BTF3L4: variants seen among roughly 807,000 people sequenced by gnomAD.
BTF3L4 encodes transcription factor BTF3 homolog 4.
Under a neutral mutation model 16.8 loss-of-function variants are expected in BTF3L4, and 6 were observed. That is an observed-to-expected ratio of 0.36 (90% CI 0.20 to 0.71). The LOEUF is 0.71. BTF3L4 is among the 30% of genes least tolerant of loss of function. The probability of loss-of-function intolerance (pLI) is 0.58; values close to 1 mark genes in which losing one functional copy is unlikely to be tolerated. For missense variants in BTF3L4, 92 were observed against 186.9 expected, an observed-to-expected ratio of 0.49 and a Z score of 2.96; for synonymous variants, 39 against 59.8, an observed-to-expected ratio of 0.65 and a Z score of 1.60.
In BTF3L4 at chr1:52,086,693, C is replaced by T. The variant is rs749846171; in HGVS notation, c.431-19C>T. 2.0e-6 allele frequency: 3 copies of T among 1,504,552 alleles called. No individual in the cohort carries two copies. The highest frequency in any genetic ancestry group is 1.8e-6 in the Non-Finnish European group (2 of 1,094,240). 93.2% of individuals were successfully genotyped at this position (1,504,552 alleles called of 1,614,324 possible). A position where few individuals can be genotyped will look rare whatever the true frequency, so the allele number is the denominator to read the frequency against. ...TTTTTTGTATTCTTTGATTCATATACTTTGTTTTTCTTTTTCAGATCTTGT... is the reference window on the plus strand; with the variant it reads ...TTTTTTGTATTCTTTGATTCATATATTTTGTTTTTCTTTTTCAGATCTTGT... On this transcript the variant is annotated intron_variant, in intron 5 of 5. Coordinates refer to ENST00000313334, the MANE Select transcript of BTF3L4 (RefSeq NM_152265.5).
intron 1 of BTF3L4, among the ~76,000 whole-genome samples, chr1:52,059,442 TAAC>T (rs1201812389): frequency 6.6e-6 from 1 of 152,224 alleles, no homozygotes; most frequent in Non-Finnish European, 1.5e-5. Context: ...ATTTTGCTAA[TAAC>T]ATTTGGTAAC....
intron 3 of BTF3L4, among the ~76,000 whole-genome samples, chr1:52,066,200 T>C (rs2124421201): frequency 6.6e-6 from 1 of 151,840 alleles, no homozygotes; most frequent in African/African-American, 2.4e-5. Context: ...TCCATTTGTT[T>C]TTTTGTTTTT....
At chr1:52,063,008 C>T (rs1363362131) in intron 2 of BTF3L4, among the ~76,000 whole-genome samples, 2 of 152,216 alleles carry the variant, frequency 1.3e-5, no homozygotes, top group African/African-American at 2.4e-5. Flanking sequence ...CAGTAATGCT[C>T]GCTCATGCCC....
At chr1:52,060,104 T>G (rs1686470838) in intron 2 of BTF3L4, among the ~76,000 whole-genome samples, 1 of 152,200 alleles carries the variant, frequency 6.6e-6, no homozygotes, top group South Asian at 2.1e-4. Context: ...AATAGCCACA[T>G]TTGTTTGAAT....
intron 3 of BTF3L4, among the ~76,000 whole-genome samples, chr1:52,066,394 GTT>G (rs971879623): frequency 2.5e-4 from 38 of 149,982 alleles, no homozygotes; most frequent in Non-Finnish European, 4.7e-4. Flanking sequence ...TAGAGACAGT[GTT>G]TTGCTGTGTT....
At chr1:52,062,453 G>T (rs974814946) in intron 2 of BTF3L4, among the ~76,000 whole-genome samples, 1 of 152,060 alleles carries the variant, frequency 6.6e-6, no homozygotes, top group Non-Finnish European at 1.5e-5. Flanking sequence ...GCCCGCCTCA[G>T]CCTCCCAAAG....
rs1315355904 is a variant in BTF3L4 at position 52,059,373 on chromosome 1, T to G, written c.-13-462T>G. Among the ~76,000 whole-genome samples, 3 of 152,156 alleles carry G rather than the reference T, an allele frequency of 2.0e-5. No homozygotes were observed. In the East Asian group the frequency reaches 5.8e-4, roughly 29 times the overall value. ...GTTCAGCTTTTTTTTCCTTTTGTCA[T>G]CTTTATGGTTTATAAGAAATACAGA... On this transcript the variant is annotated intron_variant, in intron 1 of 5. Transcript: ENST00000313334.
At position 52,088,970 on chromosome 1, in the gene BTF3L4, G is replaced by C. The variant is rs1411081496; in HGVS notation, c.*2212G>C. The C allele has an allele frequency of 2.0e-5, 3 of 146,736 alleles. No homozygotes were observed. Among genetic ancestry groups the C allele is most frequent in the Non-Finnish European group, 4.4e-5 (3 of 67,522 alleles). 9.1% of individuals were successfully genotyped at this position (146,736 alleles called of 1,614,324 possible). A position where few individuals can be genotyped will look rare whatever the true frequency, so the allele number is the denominator to read the frequency against. On this transcript the variant is annotated 3_prime_UTR_variant, in exon 6 of 6. Transcript: ENST00000313334. ...AGATGGGGTTTTACCATGTTGCCCA[G>C]GCCGGTCTTGAATTCCTGTCCTCAG...
At position 52,089,266 on chromosome 1, in the gene BTF3L4, T is replaced by G. The variant is rs1176586482; in HGVS notation, c.*2508T>G. On this transcript the variant is annotated 3_prime_UTR_variant, in exon 6 of 6. Coordinates refer to ENST00000313334, the MANE Select transcript of BTF3L4 (RefSeq NM_152265.5). ...CTTATCTAGAGGATCTCTGGCCAAG[T>G]ATTCCCTTTTATTGTATTGATAACA... 1 of 152,192 alleles carries G rather than the reference T, an allele frequency of 6.6e-6. No homozygotes were observed. The allele number at this position is 152,192 out of a possible 1,614,324, so 9.4% of individuals were successfully genotyped here.
chr1:52,085,003 T>G (rs1037380894), intron 4 of BTF3L4, among the ~76,000 whole-genome samples: 2 of 135,758 alleles, frequency 1.5e-5, no homozygotes, highest in African/African-American at 2.7e-5. Context: ...CCAAAAGAAA[T>G]GAAAAAAATC....
Position 52,080,657 on chromosome 1 carries a change from C to T in BTF3L4, c.169-2683C>T, listed in dbSNP as rs146331678. 3.6e-3 allele frequency among the ~76,000 whole-genome samples: 533 copies of T among 148,722 alleles called. 3 individuals are homozygous for T. The highest frequency in any genetic ancestry group is 0.012 in the African/African-American group (504 of 40,452). On this transcript the variant is annotated intron_variant, in intron 3 of 5. Coordinates refer to ENST00000313334, the MANE Select transcript of BTF3L4 (RefSeq NM_152265.5). ...CAAGCAATTCTCCTGCCTCAGCCTC[C>T]TGAGTAGCTGGGGTTATAGGTGCCT... is the stretch of plus-strand genomic sequence containing the variant.
chr1:52,067,379 T>C (rs1242492758), intron 3 of BTF3L4, among the ~76,000 whole-genome samples: 1 of 152,204 alleles, frequency 6.6e-6, no homozygotes, highest in Non-Finnish European at 1.5e-5. Flanking sequence ...TGAAAATCAG[T>C]GTACTGATAA....
At chr1:52,077,268 G>A (rs1686956896) in intron 3 of BTF3L4, among the ~76,000 whole-genome samples, 1 of 152,216 alleles carries the variant, frequency 6.6e-6, no homozygotes, top group African/African-American at 2.4e-5. Context: ...CTGGCTGGGC[G>A]CGGTAGCTCC....
chr1:52,059,076 C>T (rs188672045), intron 1 of BTF3L4, among the ~76,000 whole-genome samples: 3 of 150,936 alleles, frequency 2.0e-5, no homozygotes, highest in South Asian at 4.2e-4. Flanking sequence ...TCCTCTCTGC[C>T]CCCCCCCAAC....
rs17107017 is a variant in BTF3L4 at position 52,060,187 on chromosome 1, T to C, written c.54+286T>C. ...ACCTTGTTAAGCTTCCACTTTCTTA[T>C]CTGCAAAATAGAAATAATCCTACAT... On this transcript the variant is annotated intron_variant, in intron 2 of 5. Coordinates refer to ENST00000313334, the MANE Select transcript of BTF3L4 (RefSeq NM_152265.5). Among the ~76,000 whole-genome samples the C allele has an allele frequency of 6.5e-3, 995 of 152,344 alleles. 59 individuals are homozygous for C. In the East Asian group the frequency reaches 0.14, roughly 21 times the overall value.
At chr1:52,072,191 A>T (rs1194871545) in intron 3 of BTF3L4, among the ~76,000 whole-genome samples, 2 of 151,684 alleles carry the variant, frequency 1.3e-5, no homozygotes, top group East Asian at 3.9e-4. Flanking sequence ...AGTAGCTGGG[A>T]CTACAGGCGC....
At chr1:52,061,703 C>T (rs182417017) in intron 2 of BTF3L4, among the ~76,000 whole-genome samples, 60 of 139,942 alleles carry the variant, frequency 4.3e-4, no homozygotes, top group South Asian at 9.1e-4. Flanking sequence ...TTCAATGGCA[C>T]GATCTCAGCT....
At chr1:52,077,138 T>C (rs1336620208) in intron 3 of BTF3L4, among the ~76,000 whole-genome samples, 1 of 152,182 alleles carries the variant, frequency 6.6e-6, no homozygotes, top group Non-Finnish European at 1.5e-5. Flanking sequence ...GCCACTGTAC[T>C]CCAGCCTGGG....
chr1:52,068,325 A>G (rs1182709029), intron 3 of BTF3L4, among the ~76,000 whole-genome samples: 1 of 152,236 alleles, frequency 6.6e-6, no homozygotes, highest in Non-Finnish European at 1.5e-5. Context: ...CATTTTGCCA[A>G]GGACTTACTG....
Sources: allele counts gnomAD v4.1 joint callset (sites outside exome capture counted in the v4.1 genomes callset), GRCh38; gene constraint gnomAD v4.1.1; transcripts MANE v1.5; gene names NCBI Gene and HGNC (gene_info 2026-07-23, HGNC 2026-07-21).